The following RIMS2 variants were observed in gnomAD, a reference collection of about 807,000 sequenced individuals.
RIMS2 encodes regulating synaptic membrane exocytosis protein 2.
In RIMS2, 59 loss-of-function variants were observed where a neutral mutation model predicts 174.4. The ratio of observed to expected loss-of-function variants is 0.34; its 90% CI spans 0.27 to 0.42. The LOEUF is 0.42. Ranked by LOEUF, RIMS2 falls within the 10% of genes least tolerant of loss-of-function variation. The pLI is 1.00. For missense variants in RIMS2, 1,620 were observed against 1,666.3 expected (o/e 0.97, Z 0.48); for synonymous variants, 606 against 572.5 (o/e 1.06, Z -0.84).
At chr8:104,038,185 G>GT (rs1565971555) in intron 19 of RIMS2, among the ~76,000 whole-genome samples, 1 of 151,878 alleles carries the variant, frequency 6.6e-6, no homozygotes, top group East Asian at 1.9e-4. Flanking sequence ...ATAATTTACC[G>GT]TAAGTGATGA....
chr8:104,200,556 A>T (rs1233597735), intron 19 of RIMS2, among the ~76,000 whole-genome samples: 1 of 152,176 alleles, frequency 6.6e-6, no homozygotes, highest in Admixed American at 6.5e-5. Flanking sequence ...AATACTTAAC[A>T]TATGTATTTT....
intron 1 of RIMS2, among the ~76,000 whole-genome samples, chr8:103,636,797 CCCCCACA>C (rs1219776803): frequency 9.7e-5 from 6 of 61,650 alleles, no homozygotes; most frequent in African/African-American, 1.4e-4. Flanking sequence ...CACCCCCCCC[CCCCCACA>C]CACACACACA....
At chr8:103,973,300 T>C (rs749379973) in intron 15 of RIMS2, among the ~76,000 whole-genome samples, 3 of 152,122 alleles carry the variant, frequency 2.0e-5, no homozygotes, top group Non-Finnish European at 4.4e-5. Flanking sequence ...AGGTAATATC[T>C]TGGCAGAGTT....
At chr8:103,758,062 A>G (rs1353075924) in intron 2 of RIMS2, among the ~76,000 whole-genome samples, 1 of 152,180 alleles carries the variant, frequency 6.6e-6, no homozygotes, top group Non-Finnish European at 1.5e-5. Context: ...AATTTGAGTC[A>G]TGGAAGTTTC....
chr8:104,001,658 T>C (rs2095394592), intron 17 of RIMS2, among the ~76,000 whole-genome samples: 2 of 152,124 alleles, frequency 1.3e-5, no homozygotes, highest in South Asian at 2.1e-4. Flanking sequence ...TTTACTCTAC[T>C]AACTTTCTAA....
intron 2 of RIMS2, among the ~76,000 whole-genome samples, chr8:103,747,215 T>C (rs905206699): frequency 6.6e-6 from 1 of 150,818 alleles, no homozygotes; most frequent in Non-Finnish European, 1.5e-5. Flanking sequence ...TAGCATTAGG[T>C]ATATCTCCCA....
chr8:104,122,062 A>C (rs74649480), intron 19 of RIMS2, among the ~76,000 whole-genome samples: 2,282 of 152,266 alleles, frequency 0.015, 57 homozygotes, highest in African/African-American at 0.048. Context: ...GGGGGACTGA[A>C]AAAGAAGTGC....
intron 14 of RIMS2, 79 bp downstream of exon 16, chr8:103,943,005 G>A: frequency 1.9e-6 from 2 of 1,049,554 alleles, no homozygotes; most frequent in Non-Finnish European, 2.8e-6. Context: ...AGAACTTGAA[G>A]ATATCTTTGT....
chr8:104,009,305 AT>A (rs1463755127), intron 17 of RIMS2, among the ~76,000 whole-genome samples: 2 of 148,218 alleles, frequency 1.3e-5, no homozygotes, highest in South Asian at 2.1e-4. Flanking sequence ...TTTTTTTATT[AT>A]TTTTTGAGAC....
At chr8:103,568,835 A>G in intron 1 of RIMS2, 3 of 1,157,288 alleles carry the variant, frequency 2.6e-6, no homozygotes, top group South Asian at 2.4e-5. Context: ...ATTCTTCTGT[A>G]GGGTTAGCTG....
intron 19 of RIMS2, among the ~76,000 whole-genome samples, chr8:104,137,470 G>C (rs1341523097): frequency 6.6e-6 from 1 of 152,084 alleles, no homozygotes; most frequent in South Asian, 2.1e-4. Flanking sequence ...AACTTACCAT[G>C]TGGCAAACAT....
rs529690878 is a variant in RIMS2 at position 104,085,016 on chromosome 8, G to A, written c.3334+70401G>A. Among the ~76,000 whole-genome samples the A allele has an allele frequency of 5.3e-5, 8 of 152,144 alleles. 1 individual carries two copies. The highest frequency in any genetic ancestry group is 3.2e-3 in the Middle Eastern group (1 of 316). On this transcript the variant is annotated intron_variant, in intron 19 of 23. Coordinates refer to ENST00000504942, the Ensembl canonical transcript of RIMS2. ...TGATTTTCATCAATATTGTTGCTTA[G>A]GGAATATGTTTACACTATGAGGTCA...
chr8:104,001,498 A>G (rs1482274317), intron 17 of RIMS2, among the ~76,000 whole-genome samples: 1 of 151,994 alleles, frequency 6.6e-6, no homozygotes, highest in Non-Finnish European at 1.5e-5. Flanking sequence ...CAAGAACAGA[A>G]CATCTAATTA....
intron 1 of RIMS2, among the ~76,000 whole-genome samples, chr8:103,573,326 A>C (rs1367870223): frequency 6.6e-6 from 1 of 152,022 alleles, no homozygotes; most frequent in Non-Finnish European, 1.5e-5. Context: ...AGCCTCCAAA[A>C]GTGTTGGGGT....
intron 17 of RIMS2, among the ~76,000 whole-genome samples, chr8:104,011,104 CTG>C (rs1402003454): frequency 6.6e-5 from 10 of 152,054 alleles, no homozygotes; most frequent in African/African-American, 2.4e-4. Flanking sequence ...TGATGTAAGA[CTG>C]TGTAATTTAG....
At chr8:103,839,381 T>C (rs2098925810) in intron 3 of RIMS2, among the ~76,000 whole-genome samples, 1 of 152,242 alleles carries the variant, frequency 6.6e-6, no homozygotes, top group South Asian at 2.1e-4. Flanking sequence ...GTCAGGCAGC[T>C]AAATTAAGGA....
In RIMS2 at chr8:103,513,534, C is replaced by T. The variant is rs188529845; in HGVS notation, c.176+12472C>T. ...CCTAATCAAACATTGATATTTCTCT[C>T]GTGAAACATATGAATATTTACAAAA... On this transcript the variant is annotated intron_variant, in intron 1 of 23. Transcript: ENST00000504942. Among the ~76,000 whole-genome samples, 243 of 152,222 alleles carry T rather than the reference C, an allele frequency of 1.6e-3. 2 individuals carry two copies. Among genetic ancestry groups the T allele is most frequent in the African/African-American group, 5.3e-3 (219 of 41,522 alleles).
chr8:104,126,343 T>G (rs1225416409), intron 19 of RIMS2, among the ~76,000 whole-genome samples: 1 of 152,158 alleles, frequency 6.6e-6, no homozygotes, highest in Non-Finnish European at 1.5e-5. Context: ...CAAACTCACT[T>G]GGGGATATCA....
At chr8:103,653,157 G>C (rs974412122) in intron 1 of RIMS2, among the ~76,000 whole-genome samples, 25 of 152,036 alleles carry the variant, frequency 1.6e-4, no homozygotes, top group African/African-American at 6.0e-4. Flanking sequence ...TGCTCCAAGG[G>C]TATTAGAACA....
Sources: allele counts gnomAD v4.1 joint callset (sites outside exome capture counted in the v4.1 genomes callset), GRCh38; gene constraint gnomAD v4.1.1; transcripts MANE v1.5; gene names NCBI Gene and HGNC (gene_info 2026-07-23, HGNC 2026-07-21).